GRIA3: variants seen among roughly 807,000 people sequenced by gnomAD.
GRIA3 encodes the protein glutamate ionotropic receptor AMPA type subunit 3.
Under a neutral mutation model 63.0 loss-of-function variants are expected in GRIA3, and 3 were observed. The observed-to-expected ratio is 0.05, with a 90% CI of 0.02 to 0.12. The LOEUF (loss-of-function observed/expected upper bound fraction) is 0.12, where lower values mean the gene tolerates loss of function less well. GRIA3 is among the 10% of genes least tolerant of loss of function. The pLI is 1.00. For synonymous variants in GRIA3, 274 were observed against 257.9 expected (o/e 1.06, Z -0.60); for missense variants, 347 against 700.9 (o/e 0.50, Z 5.70).
chrX:123,408,149 A>G (rs2045485932), intron 10 of GRIA3, among the ~76,000 whole-genome samples: 1 of 110,611 alleles, frequency 9.0e-6, no homozygotes, highest in African/African-American at 3.3e-5. Context: ...ATTTTTTAGT[A>G]GAGATGGGGT....
chrX:123,335,094 T>A (rs745584263), intron 4 of GRIA3, among the ~76,000 whole-genome samples: 1 of 110,446 alleles, frequency 9.1e-6, no homozygotes, highest in South Asian at 3.9e-4. Flanking sequence ...ACTTTCCTGC[T>A]TTCTCAGGTT....
At chrX:123,306,794 C>T (rs530389478) in intron 3 of GRIA3, among the ~76,000 whole-genome samples, 6 of 112,016 alleles carry the variant, frequency 5.4e-5, no homozygotes, top group African/African-American at 1.3e-4. Flanking sequence ...TCCAGCTGTG[C>T]CCACATATCT....
chrX:123,352,679 G>A (rs1275848427), intron 4 of GRIA3, among the ~76,000 whole-genome samples: 1 of 111,405 alleles, frequency 9.0e-6, no homozygotes, highest in East Asian at 2.8e-4. Context: ...ATTGCCAGAT[G>A]TCTTTAAGAA....
At chrX:123,367,747 T>C (rs901328746) in intron 5 of GRIA3, among the ~76,000 whole-genome samples, 1 of 111,408 alleles carries the variant, frequency 9.0e-6, no homozygotes, top group Non-Finnish European at 1.9e-5. Context: ...TTCTGGATGT[T>C]GTTTGTTTGT....
chrX:123,236,027 G>C (rs2044299925), intron 2 of GRIA3, among the ~76,000 whole-genome samples: 1 of 110,824 alleles, frequency 9.0e-6, no homozygotes, highest in Non-Finnish European at 1.9e-5. Flanking sequence ...CCTTTCCAGG[G>C]GCCTCTCTTA....
At chrX:123,390,531 C>A (rs1196556829) in intron 5 of GRIA3, among the ~76,000 whole-genome samples, 1 of 111,530 alleles carries the variant, frequency 9.0e-6, no homozygotes, top group Non-Finnish European at 1.9e-5. Flanking sequence ...ATGGGAACTC[C>A]CATCAGACTA....
Position 123,394,979 on chromosome X carries a change from T to C in GRIA3, c.762T>C (p.Asp254=). ...CAATGTCTTTCCAGGGTTTTACTGA[T>C]ATTTTACTGGAAAGAGTCATGCATG... is the stretch of plus-strand genomic sequence containing the variant. ...HYMLANLGFT[D]ILLERVMHGG... Residue 254 remains aspartate (D), a synonymous_variant, in exon 6 of 16, where the codon GAT becomes GAC. Coordinates refer to ENST00000620443, the MANE Select transcript of GRIA3 (RefSeq NM_007325.5). 8.4e-7 allele frequency: 1 copy of C among 1,190,443 alleles called. No individual in the cohort carries two copies. The highest frequency in any genetic ancestry group is 1.1e-6 in the Non-Finnish European group (1 of 876,079).
At chrX:123,405,508 G>A (rs1006285374) in intron 10 of GRIA3, among the ~76,000 whole-genome samples, 1 of 111,516 alleles carries the variant, frequency 9.0e-6, no homozygotes, top group East Asian at 2.8e-4. Flanking sequence ...TCCTTCACAT[G>A]GCAAATAAGG....
At chrX:123,363,691 T>C (rs1452028888) in intron 5 of GRIA3, among the ~76,000 whole-genome samples, 3 of 112,481 alleles carry the variant, frequency 2.7e-5, no homozygotes, top group African/African-American at 9.7e-5. Flanking sequence ...TGCATTCAGA[T>C]GTGAGCAAAC....
At chrX:123,395,582 T>A (rs2045408916) in intron 6 of GRIA3, among the ~76,000 whole-genome samples, 1 of 111,842 alleles carries the variant, frequency 8.9e-6, no homozygotes, top group Non-Finnish European at 1.9e-5. Context: ...GAGTGTACAT[T>A]GCCTATATGT....
intron 2 of GRIA3, among the ~76,000 whole-genome samples, chrX:123,199,772 C>A (rs1927677954): frequency 9.0e-6 from 1 of 111,538 alleles, no homozygotes; most frequent in Non-Finnish European, 1.9e-5. Context: ...TTTCAGGCGC[C>A]ACAATTAATC....
In GRIA3 at chrX:123,465,128, T is replaced by C. The variant is rs1326765427; in HGVS notation, c.2324+16T>C. On this transcript the variant is annotated intron_variant, in intron 13 of 15. Coordinates refer to ENST00000620443, the MANE Select transcript of GRIA3 (RefSeq NM_007325.5). ...CAGCATTAAGGTGGGTGGAATAATA[T>C]AACAATATCCGTGTTGTTATAGTAT... is the stretch of plus-strand genomic sequence containing the variant. The C allele has an allele frequency of 8.4e-6, 10 of 1,195,377 alleles. No individual in the cohort carries two copies. Among genetic ancestry groups the C allele is most frequent in the Non-Finnish European group, 1.1e-5 (10 of 882,206 alleles).
intron 2 of GRIA3, among the ~76,000 whole-genome samples, chrX:123,195,806 G>A (rs187583880): frequency 1.0e-3 from 117 of 111,794 alleles, no homozygotes; most frequent in Non-Finnish European, 2.1e-3. Context: ...GCTCTTCTCA[G>A]TAAAAACTCT....
At chrX:123,398,949 C>A (rs1486820926) in intron 7 of GRIA3, 146 bp downstream of exon 7, 2 of 458,119 alleles carry the variant, frequency 4.4e-6, no homozygotes, top group East Asian at 7.6e-5. Context: ...TAAGTATAGC[C>A]ATTTCTATAA....
chrX:123,461,961 T>A (rs1407195879), intron 12 of GRIA3, among the ~76,000 whole-genome samples: 1 of 111,854 alleles, frequency 8.9e-6, no homozygotes, highest in Non-Finnish European at 1.9e-5. Flanking sequence ...AAACCCAGGC[T>A]TTACAAGGTA....
rs745394208 is a variant in GRIA3, at chrX:123,480,139, G to A, written c.2401G>A (p.Asp801Asn). 3 of 1,199,661 alleles carry A rather than the reference G, an allele frequency of 2.5e-6. No homozygotes were observed. Among genetic ancestry groups the A allele is most frequent in the East Asian group, 5.9e-5 (2 of 33,736 alleles). The change falls in exon 14 of 16, where the codon GAT (aspartate) becomes AAT (asparagine). Residue 801 changes from aspartate to asparagine, a missense_variant. Coordinates refer to ENST00000620443, the MANE Select transcript of GRIA3 (RefSeq NM_007325.5). ...LDKLKNKWWY[D>N]KGECGAKDSG... is the part of the protein sequence containing the mutation. ...CAAGCTGAAAAACAAATGGTGGTAC[G>A]ATAAGGGGGAATGTGGAGCCAAGGA...
intron 3 of GRIA3, among the ~76,000 whole-genome samples, chrX:123,287,222 T>A (rs1603070377): frequency 9.0e-6 from 1 of 111,723 alleles, no homozygotes; most frequent in South Asian, 3.8e-4. Flanking sequence ...CACCCCTCCA[T>A]GCTAAAAACT....
chrX:123,227,882 T>G (rs2044256196), intron 2 of GRIA3, among the ~76,000 whole-genome samples: 2 of 111,764 alleles, frequency 1.8e-5, no homozygotes, highest in Non-Finnish European at 3.8e-5. Context: ...ACATTCTGAG[T>G]TCTAGTGAAG....
At position 123,490,637 on chromosome X, in the gene GRIA3, T is replaced by A. The variant is rs1388753196; in HGVS notation, c.*1927T>A. On this transcript the variant is annotated 3_prime_UTR_variant, in exon 16 of 16. Transcript: ENST00000620443. Reference sequence around the variant, plus strand: ...GCGGGTAAATTGGTTTGTTATTTTTTAAAAAAAACTTGCATGTTTAAAAAA... The same window carrying A: ...GCGGGTAAATTGGTTTGTTATTTTTAAAAAAAAACTTGCATGTTTAAAAAA... 4.5e-5 allele frequency: 5 copies of A among 112,117 alleles called. No homozygotes were observed. Among genetic ancestry groups the A allele is most frequent in the Non-Finnish European group, 9.4e-5 (5 of 53,118 alleles). 9.2% of individuals were successfully genotyped at this position (112,117 alleles called of 1,213,427 possible).
Sources: allele counts gnomAD v4.1 joint callset (sites outside exome capture counted in the v4.1 genomes callset), GRCh38; gene constraint gnomAD v4.1.1; transcripts MANE v1.5; gene names NCBI Gene and HGNC (gene_info 2026-07-23, HGNC 2026-07-21).